The following MAP6 variants were observed in gnomAD, a reference collection of about 807,000 sequenced individuals.
MAP6 encodes the protein microtubule associated protein 6.
A neutral mutation model predicts 42.4 loss-of-function variants in MAP6; 26 were observed. That is an observed-to-expected ratio of 0.61 (90% CI 0.45 to 0.85). The LOEUF is 0.85. Ranked by LOEUF, MAP6 falls within the 40% of genes least tolerant of loss-of-function variation. The pLI is 0.00. For synonymous variants in MAP6, 418 were observed against 443.8 expected (o/e 0.94, Z 0.73); for missense variants, 966 against 1,099.0 (o/e 0.88, Z 1.71).
intron 1 of MAP6, among the ~76,000 whole-genome samples, chr11:75,612,531 T>C (rs1942916796): frequency 6.6e-6 from 1 of 152,172 alleles, no homozygotes; most frequent in Non-Finnish European, 1.5e-5. Context: ...GGCACCAGTC[T>C]GAGTCTGTAT....
intron 3 of MAP6, chr11:75,604,347 C>T (rs1942718993): frequency 1.0e-6 from 1 of 985,464 alleles, no homozygotes; most frequent in East Asian, 1.1e-4. Context: ...CCACTTCCTC[C>T]AAACCAGAAG....
At chr11:75,620,570 T>A (rs1054161803) in intron 1 of MAP6, among the ~76,000 whole-genome samples, 3 of 151,632 alleles carry the variant, frequency 2.0e-5, no homozygotes, top group Non-Finnish European at 2.9e-5. Context: ...AGCATTTCCC[T>A]GATGCCCTGA....
At chr11:75,605,021 G>C in intron 3 of MAP6, 1 of 985,494 alleles carries the variant, frequency 1.0e-6, no homozygotes. Flanking sequence ...AGCAGCATTG[G>C]ACAGGTGGTC....
At chr11:75,612,505 G>C (rs192631524) in intron 1 of MAP6, among the ~76,000 whole-genome samples, 52 of 152,336 alleles carry the variant, frequency 3.4e-4, no homozygotes, top group African/African-American at 1.2e-3. Context: ...ACAGAAAAGC[G>C]GATGAAGGGA....
Position 75,666,210 on chromosome 11 carries a change from C to T in MAP6, c.905+1255G>A, listed in dbSNP as rs1041467016. Among the ~76,000 whole-genome samples the T allele has an allele frequency of 3.9e-5, 6 of 152,206 alleles. No individual in the cohort carries two copies. In the East Asian group the frequency reaches 9.6e-4, roughly 24 times the overall value. On this transcript the variant is annotated intron_variant, in intron 1 of 3. Transcript: ENST00000304771. ...TTTCATACAGATCTTCCCCGAGAGA[C>T]CCCAAATGCAATGTTGCATGTCCAG...
In MAP6 at chr11:75,669,020, C is replaced by G. The variant is rs1393175807; in HGVS notation, c.-651G>C. The G allele has an allele frequency of 6.1e-6, 1 of 164,580 alleles. No homozygotes were observed. The highest frequency in any genetic ancestry group is 2.4e-5 in the African/African-American group (1 of 41,532). The allele number at this position is 164,580 out of a possible 1,614,324, so 10.2% of individuals were successfully genotyped here. A position where few individuals can be genotyped will look rare whatever the true frequency, so the allele number is the denominator to read the frequency against. ...CCGCGAATGATGCTGCAGCCGCTGC[C>G]GCCGCCGCCTCTGCCTCTGCTGCAG... On this transcript the variant is annotated 5_prime_UTR_variant, in exon 1 of 4. Transcript: ENST00000304771.
rs749898673 is a variant in MAP6 at position 75,605,877 on chromosome 11, G to C, written c.1247C>G (p.Pro416Arg). Reference protein sequence around the residue: ...QAAKKKSAEGPSTTKPDDKEQ... With the variant: ...QAAKKKSAEGRSTTKPDDKEQ... ...CTTGTCGTCTGGCTTGGTGGTACTC[G>C]GGCCCTCCGCGCTCTTTTTCTTGGC... Residue 416 changes from proline to arginine, a missense_variant, in exon 3 of 4, where the codon CCG becomes CGG. Coordinates refer to ENST00000304771, the MANE Select transcript of MAP6 (RefSeq NM_033063.2). The C allele has an allele frequency of 1.2e-6, 2 of 1,614,052 alleles. No homozygotes were observed. Among genetic ancestry groups the C allele is most frequent in the Non-Finnish European group, 1.7e-6 (2 of 1,180,002 alleles).
At chr11:75,653,269 T>C (rs12574289) in intron 1 of MAP6, among the ~76,000 whole-genome samples, 7,797 of 152,308 alleles carry the variant, frequency 0.051, 251 homozygotes, top group East Asian at 0.14. Flanking sequence ...GAAAGCAAGC[T>C]GAATGGACTT....
intron 1 of MAP6, among the ~76,000 whole-genome samples, chr11:75,627,589 A>C (rs915388127): frequency 1.3e-5 from 2 of 152,206 alleles, no homozygotes; most frequent in African/African-American, 4.8e-5. Context: ...CTTTCAGACT[A>C]ATGATGGTAA....
intron 1 of MAP6, among the ~76,000 whole-genome samples, chr11:75,653,762 A>G (rs899172424): frequency 3.9e-5 from 6 of 152,362 alleles, no homozygotes; most frequent in African/African-American, 1.2e-4. Flanking sequence ...GACTAAAAAA[A>G]TACACATAGA....
At chr11:75,666,880 GA>G (rs1943956912) in intron 1 of MAP6, among the ~76,000 whole-genome samples, 2 of 152,190 alleles carry the variant, frequency 1.3e-5, no homozygotes, top group Non-Finnish European at 2.9e-5. Flanking sequence ...GGGAGAGGTG[GA>G]AGGACAATGA....
In MAP6 at chr11:75,608,220, G is replaced by A. The variant is rs771735160; in HGVS notation, c.1008C>T (p.Tyr336=). 2.5e-6 allele frequency: 4 copies of A among 1,614,246 alleles called. No homozygotes were observed. In the South Asian group the frequency reaches 4.4e-5, roughly 18 times the overall value. The change falls in exon 2 of 4, where the codon TAC becomes TAT. Residue 336 remains tyrosine (Y), a synonymous_variant. Transcript: ENST00000304771. ...PDDKMVHETS[Y]SAQFKGEASK... The stretch of plus-strand genomic sequence containing the variant: ...TGGCCTCTCCTTTGAACTGAGCACT[G>A]TAGCTGGTCTCATGAACCATCTTAT...
chr11:75,635,181 T>C (rs1487685604), intron 1 of MAP6, among the ~76,000 whole-genome samples: 1 of 152,208 alleles, frequency 6.6e-6, no homozygotes, highest in Non-Finnish European at 1.5e-5. Context: ...GGAGGCAGCC[T>C]GCCTGGGATA....
At chr11:75,640,008 C>A (rs924692829) in intron 1 of MAP6, among the ~76,000 whole-genome samples, 3 of 152,132 alleles carry the variant, frequency 2.0e-5, no homozygotes, top group African/African-American at 7.2e-5. Flanking sequence ...CCACTCTCCC[C>A]TCTGGCTGGC....
At chr11:75,606,786 C>T (rs1357256099) in intron 2 of MAP6, among the ~76,000 whole-genome samples, 1 of 152,204 alleles carries the variant, frequency 6.6e-6, no homozygotes, top group African/African-American at 2.4e-5. Flanking sequence ...CAGTTCTAAG[C>T]TCACTCCACT....
At chr11:75,632,301 C>T (rs2135635970) in intron 1 of MAP6, among the ~76,000 whole-genome samples, 1 of 152,252 alleles carries the variant, frequency 6.6e-6, no homozygotes, top group African/African-American at 2.4e-5. Context: ...TGCCCAGGGA[C>T]AGCAAATTAG....
intron 3 of MAP6, chr11:75,604,206 A>G: frequency 2.0e-6 from 2 of 985,894 alleles, no homozygotes; most frequent in South Asian, 9.4e-5. Context: ...GTTAATAATT[A>G]TGGCTCATGT....
chr11:75,642,082 A>T (rs1383372519), intron 1 of MAP6, among the ~76,000 whole-genome samples: 1 of 152,248 alleles, frequency 6.6e-6, no homozygotes, highest in Non-Finnish European at 1.5e-5. Context: ...ATCATTTCCT[A>T]ATTCTTTTAG....
At chr11:75,616,584 A>C (rs1205455112) in intron 1 of MAP6, among the ~76,000 whole-genome samples, 1 of 152,224 alleles carries the variant, frequency 6.6e-6, no homozygotes, top group African/African-American at 2.4e-5. Context: ...TAATGGAAGT[A>C]GGATCTATAG....
Sources: allele counts gnomAD v4.1 joint callset (sites outside exome capture counted in the v4.1 genomes callset), GRCh38; gene constraint gnomAD v4.1.1; transcripts MANE v1.5; gene names NCBI Gene and HGNC (gene_info 2026-07-23, HGNC 2026-07-21).